Variants in STK33 observed in about 807,000 individuals in gnomAD.
The protein encoded by STK33 is serine/threonine-protein kinase 33.
A neutral mutation model predicts 58.0 loss-of-function variants in STK33; 52 were observed. The observed-to-expected ratio is 0.90, with a 90% confidence interval of 0.72 to 1.13. STK33 has a LOEUF of 1.13. STK33 is among the 50% of genes most tolerant of loss of function. The pLI, the probability that STK33 is intolerant of heterozygous loss-of-function variation, is 0.00. For synonymous variants in STK33, 215 were observed against 200.1 expected (o/e 1.07, Z -0.63); for missense variants, 630 against 604.2 (o/e 1.04, Z -0.45).
intron 2 of STK33, among the ~76,000 whole-genome samples, chr11:8,477,506 G>A (rs1469609194): frequency 6.6e-6 from 1 of 152,076 alleles, no homozygotes; most frequent in Non-Finnish European, 1.5e-5. Context: ...ATTGTAAGAA[G>A]TATTCGTAAC....
At position 8,501,499 on chromosome 11, in the gene STK33, C is replaced by T. The variant is rs1024302265; in HGVS notation, c.-465-20885G>A. 2.0e-5 allele frequency among the ~76,000 whole-genome samples: 3 copies of T among 152,096 alleles called. No individual in the cohort carries two copies. The South Asian group carries it at 6.2e-4, about 32-fold the overall frequency. On this transcript the variant is annotated intron_variant, in intron 1 of 15. Transcript: ENST00000687296. Reference sequence around the variant, plus strand: ...AGCATGAGATATCACTTCACATTCACTAGGACAGCTATAGTAAAAAACAAA... The same window carrying T: ...AGCATGAGATATCACTTCACATTCATTAGGACAGCTATAGTAAAAAACAAA...
At chr11:8,565,560 T>C (rs1471819972) in intron 1 of STK33, 1 of 152,178 alleles carries the variant, frequency 6.6e-6, no homozygotes, top group African/African-American at 2.4e-5. Context: ...GCCTCAGTCA[T>C]CTTGTCTGTG....
At chr11:8,342,172 T>C in the STK33 span, among the ~76,000 whole-genome samples, 5 of 152,226 alleles carry the variant, frequency 3.3e-5, no homozygotes, top group Non-Finnish European at 7.3e-5. Context: ...GATTCAAAGA[T>C]ATTCTCATTT....
chr11:8,454,899 A>G (rs1021443120), intron 9 of STK33, 67 bp from the exon 10 acceptor site: 2 of 1,379,012 alleles, frequency 1.5e-6, no homozygotes, highest in Admixed American at 5.9e-5. Context: ...ACACATATAG[A>G]TTAAATATAT....
the STK33 span, among the ~76,000 whole-genome samples, chr11:8,373,988 T>C: frequency 9.5e-3 from 1,443 of 152,330 alleles, 21 homozygotes; most frequent in African/African-American, 0.031. Flanking sequence ...TCTTCTTTCA[T>C]CTCAGGCCTC....
Position 8,487,325 on chromosome 11 carries a change from C to G in STK33, c.-465-6711G>C, listed in dbSNP as rs138245681. Reference sequence around the variant, plus strand: ...TAGTCCCAGCTACTCAGGAGGCTGACATAGGAGGATCACCTGAGCCCAGGA... The same window carrying G: ...TAGTCCCAGCTACTCAGGAGGCTGAGATAGGAGGATCACCTGAGCCCAGGA... On this transcript the variant is annotated intron_variant, in intron 1 of 15. Coordinates refer to ENST00000687296, the MANE Select transcript of STK33 (RefSeq NM_001352389.2). 3.4e-5 allele frequency among the ~76,000 whole-genome samples: 5 copies of G among 147,762 alleles called. No individual in the cohort carries two copies. The East Asian group carries it at 1.0e-3, about 30-fold the overall frequency.
intron 1 of STK33, among the ~76,000 whole-genome samples, chr11:8,513,217 T>A (rs1240427906): frequency 6.6e-6 from 1 of 152,130 alleles, no homozygotes; most frequent in Non-Finnish European, 1.5e-5. Context: ...TTGCTTCTGC[T>A]CATCAAGGAA....
At chr11:8,355,714 C>T in the STK33 span, among the ~76,000 whole-genome samples, 2 of 152,238 alleles carry the variant, frequency 1.3e-5, no homozygotes, top group African/African-American at 2.4e-5. Flanking sequence ...TCTGAACCTC[C>T]ACTTCCTCAT....
chr11:8,352,968 C>T, the STK33 span, among the ~76,000 whole-genome samples: 3 of 152,180 alleles, frequency 2.0e-5, no homozygotes, highest in Non-Finnish European at 4.4e-5. Flanking sequence ...CATGAGCACC[C>T]GTGCTGTGTG....
chr11:8,358,021 C>A, the STK33 span, among the ~76,000 whole-genome samples: 1 of 152,224 alleles, frequency 6.6e-6, no homozygotes, highest in Non-Finnish European at 1.5e-5. Flanking sequence ...CCTCCCCATA[C>A]AGGCTCCTGG....
chr11:8,410,470 CTT>C (rs11382344), intron 15 of STK33, among the ~76,000 whole-genome samples: 5 of 121,818 alleles, frequency 4.1e-5, no homozygotes, highest in Non-Finnish European at 5.0e-5. Context: ...CTTTTCTTTT[CTT>C]TTTTTTTTTT....
At chr11:8,558,349 AC>A (rs11332160) in intron 1 of STK33, among the ~76,000 whole-genome samples, 1,851 of 152,226 alleles carry the variant, frequency 0.012, 39 homozygotes, top group African/African-American at 0.042. Flanking sequence ...ACAAGGACTT[AC>A]GGGGGAAATG....
intron 15 of STK33, 32 bp from the exon 16 acceptor site, chr11:8,392,742 A>G (rs751291499): frequency 3.1e-6 from 5 of 1,609,128 alleles, no homozygotes; most frequent in Non-Finnish European, 4.3e-6. Context: ...TAATTTTCAG[A>G]CACAAAGCAA....
At chr11:8,360,333 C>T in the STK33 span, among the ~76,000 whole-genome samples, 1 of 152,210 alleles carries the variant, frequency 6.6e-6, no homozygotes, top group Non-Finnish European at 1.5e-5. Flanking sequence ...GCACAGCTCC[C>T]GGGCCTGCAC....
At chr11:8,349,883 G>A in the STK33 span, among the ~76,000 whole-genome samples, 30 of 152,280 alleles carry the variant, frequency 2.0e-4, no homozygotes, top group Admixed American at 1.0e-3. Context: ...TTTCTCCTGG[G>A]AAACCCTCCT....
intron 1 of STK33, among the ~76,000 whole-genome samples, chr11:8,488,979 C>A (rs1321290086): frequency 6.6e-6 from 1 of 152,074 alleles, no homozygotes; most frequent in Non-Finnish European, 1.5e-5. Context: ...CTAAAAGAGG[C>A]TGGGCATGGT....
intron 1 of STK33, among the ~76,000 whole-genome samples, chr11:8,492,281 A>G (rs1002363944): frequency 4.6e-5 from 7 of 152,112 alleles, no homozygotes; most frequent in African/African-American, 1.4e-4. Context: ...CAAAAAAAAA[A>G]GCAGGGGTTG....
At chr11:8,477,670 TGGGGGATCTAAAAAC>T (rs1219510145) in intron 2 of STK33, among the ~76,000 whole-genome samples, 3 of 144,992 alleles carry the variant, frequency 2.1e-5, no homozygotes, top group Non-Finnish European at 4.6e-5. Context: ...AGATAGATTT[TGGGGGATCTAAAAAC>T]AGCTATTCTT....
At chr11:8,509,999 C>T (rs1952181559) in intron 1 of STK33, among the ~76,000 whole-genome samples, 1 of 152,152 alleles carries the variant, frequency 6.6e-6, no homozygotes, top group South Asian at 2.1e-4. Flanking sequence ...TAATGACTTC[C>T]TTTCCTTTGG....
Sources: allele counts gnomAD v4.1 joint callset (sites outside exome capture counted in the v4.1 genomes callset), GRCh38; gene constraint gnomAD v4.1.1; transcripts MANE v1.5; gene names NCBI Gene and HGNC (gene_info 2026-07-23, HGNC 2026-07-21).